KNL1: variants seen among roughly 807,000 people sequenced by gnomAD.
The protein encoded by KNL1 is kinetochore scaffold 1, also known as outer kinetochore KNL1 complex subunit KNL1.
A neutral mutation model predicts 201.3 loss-of-function variants in KNL1; 66 were observed. That is an observed-to-expected ratio of 0.33 (90% CI 0.27 to 0.40). KNL1 has a LOEUF of 0.40. Ranked by LOEUF, KNL1 falls within the 10% of genes least tolerant of loss-of-function variation. KNL1 has a pLI of 1.00. For missense variants in KNL1, 2,815 were observed against 2,690.5 expected (o/e 1.05, Z -1.02); for synonymous variants, 895 against 899.2 (o/e 1.00, Z 0.08).
chr15:40,606,022 G>A (rs1353652493), intron 3 of KNL1, among the ~76,000 whole-genome samples: 1 of 152,220 alleles, frequency 6.6e-6, no homozygotes, highest in Non-Finnish European at 1.5e-5. Flanking sequence ...AAAAGACTCA[G>A]AATTGAATCA....
At chr15:40,628,444 A>G (rs188314890) in intron 11 of KNL1, among the ~76,000 whole-genome samples, 167 bp from the exon 12 acceptor site, 176 of 152,342 alleles carry the variant, frequency 1.2e-3, no homozygotes, top group Admixed American at 5.1e-3. Flanking sequence ...TAGTGGAGAA[A>G]CACTGGAGCC....
At position 40,622,392 on chromosome 15, in the gene KNL1, A is replaced by C; in HGVS notation, c.2128A>C (p.Met710Leu). The change falls in exon 10 of 26, where the codon ATG becomes CTG. Residue 710 changes from methionine to leucine, a missense_variant. Physicochemically the swap from Met to Leu is conservative, Grantham distance 15 (BLOSUM62 2). Coordinates refer to ENST00000399668, the MANE Select transcript of KNL1 (RefSeq NM_144508.5). ...ATTATTTTCATCAGGACAGTTCTCT[A>C]TGAAAAATCATGATACTGCTATAAG... ...KPLFSSGQFSMKNHDTAISSH... is the reference protein window; with the variant it reads ...KPLFSSGQFSLKNHDTAISSH... 6.2e-7 allele frequency: 1 copy of C among 1,613,826 alleles called. No individual in the cohort carries two copies. Among genetic ancestry groups the C allele is most frequent in the Non-Finnish European group, 8.5e-7 (1 of 1,179,808 alleles).
intron 25 of KNL1, among the ~76,000 whole-genome samples, chr15:40,659,892 TTA>T (rs376367195): frequency 6.2e-4 from 75 of 120,182 alleles, no homozygotes; most frequent in Middle Eastern, 9.2e-3. Context: ...TTTGAAGAAT[TTA>T]TGTGTGTGTG....
chr15:40,649,797 A>G (rs1893499325), intron 17 of KNL1, among the ~76,000 whole-genome samples: 1 of 152,046 alleles, frequency 6.6e-6, no homozygotes, highest in African/African-American at 2.4e-5. Context: ...GCTACTACAT[A>G]CTACGTTCTC....
chr15:40,654,792 C>T (rs972940828), intron 21 of KNL1, 117 bp from the exon 22 acceptor site: 8 of 706,508 alleles, frequency 1.1e-5, no homozygotes, highest in South Asian at 6.7e-5. Context: ...TCGCTTGAAC[C>T]TGGGAGGCTG....
rs928231053 is a variant in KNL1 at position 40,594,293 on chromosome 15, C to T, written c.-117C>T. The stretch of plus-strand genomic sequence containing the variant: ...AGGCGAGCCGGGCGTTGTGAGCGGA[C>T]TGCTAGAGGCGGCTGTCTGTTTCCG... On this transcript the variant is annotated 5_prime_UTR_variant, in exon 1 of 26. Coordinates refer to ENST00000399668, the MANE Select transcript of KNL1 (RefSeq NM_144508.5). 1 of 152,278 alleles carries T rather than the reference C, an allele frequency of 6.6e-6. No individual in the cohort carries two copies. 9.4% of individuals were successfully genotyped at this position (152,278 alleles called of 1,614,324 possible).
chr15:40,623,406 G>A lies in KNL1; in HGVS notation c.3142G>A (p.Val1048Ile). 1.9e-6 allele frequency: 3 copies of A among 1,613,936 alleles called. No homozygotes were observed. The highest frequency in any genetic ancestry group is 1.3e-5 in the African/African-American group (1 of 75,016). Reference sequence around the variant, plus strand: ...AGCCACTTGCAAAAACATCAAAGATGTACAAAGTCCTGGATTTCTGAATGA... The same window carrying A: ...AGCCACTTGCAAAAACATCAAAGATATACAAAGTCCTGGATTTCTGAATGA... ...KSATCKNIKD[V>I]QSPGFLNEPL... The change falls in exon 10 of 26, where the codon GTA becomes ATA. Residue 1048 changes from valine to isoleucine, a missense_variant. Val to Ile is a conservative substitution (Grantham distance 29). Around this residue, in one of 3 missense-constraint regions of KNL1, gnomAD observed 2,464 missense variants for 2,291.7 expected, o/e 1.08. Coordinates refer to ENST00000399668, the MANE Select transcript of KNL1 (RefSeq NM_144508.5).
chr15:40,631,171 A>G (rs1355177022), intron 13 of KNL1, among the ~76,000 whole-genome samples: 1 of 152,140 alleles, frequency 6.6e-6, no homozygotes, highest in Non-Finnish European at 1.5e-5. Context: ...GAAGTTCACA[A>G]TAAATGTGCT....
chr15:40,625,501 T>C lies in KNL1; in HGVS notation c.5237T>C (p.Ile1746Thr). The C allele has an allele frequency of 6.2e-7, 1 of 1,612,528 alleles. No homozygotes were observed. The highest frequency in any genetic ancestry group is 1.1e-5 in the South Asian group (1 of 90,786). ...KALIETYQKE[I>T]SPYENKMGKT... Reference sequence around the variant, plus strand: ...TTGATTGAGACATACCAAAAAGAGATTTCACCATATGAAAATAAAATGGGA... The same window carrying C: ...TTGATTGAGACATACCAAAAAGAGACTTCACCATATGAAAATAAAATGGGA... Residue 1746 changes from isoleucine to threonine, a missense_variant, in exon 10 of 26, where the codon ATT (isoleucine) becomes ACT (threonine). Ile to Thr is a moderately conservative substitution (Grantham distance 89). Around this residue, in one of 3 missense-constraint regions of KNL1, gnomAD observed 2,464 missense variants for 2,291.7 expected, o/e 1.08. Transcript: ENST00000399668.
At chr15:40,600,811 G>A (rs1891767924) in intron 1 of KNL1, among the ~76,000 whole-genome samples, 1 of 152,134 alleles carries the variant, frequency 6.6e-6, no homozygotes, top group Admixed American at 6.5e-5. Flanking sequence ...AATATAGGGA[G>A]GCAGGAACTG....
intron 14 of KNL1, chr15:40,643,218 A>G (rs1893283495): frequency 1.3e-5 from 2 of 151,928 alleles, no homozygotes; most frequent in East Asian, 3.9e-4. Context: ...ACAGAGCCTC[A>G]CTCTGTCACC....
chr15:40,659,540 T>G (rs1893842773), intron 25 of KNL1, 79 bp downstream of exon 25: 1 of 1,332,302 alleles, frequency 7.5e-7, no homozygotes, highest in South Asian at 1.4e-5. Context: ...TTGCCCAGGC[T>G]GGAGTGTAGT....
chr15:40,632,210 A>ACCCCCCCC (rs34274284), intron 13 of KNL1, among the ~76,000 whole-genome samples: 11 of 131,708 alleles, frequency 8.4e-5, no homozygotes, highest in African/African-American at 1.2e-4. Context: ...ACATAGCGAG[A>ACCCCCCCC]CCCCCCCCCA....
intron 19 of KNL1, 144 bp from the exon 20 acceptor site, chr15:40,651,327 C>A: frequency 3.0e-6 from 1 of 336,288 alleles, no homozygotes; most frequent in Admixed American, 4.8e-5. Context: ...ACTAAGAATG[C>A]AGAAATGGAT....
intron 11 of KNL1, 127 bp from the exon 12 acceptor site, chr15:40,628,484 C>G (rs539084852): frequency 2.8e-6 from 2 of 713,604 alleles, no homozygotes; most frequent in East Asian, 5.3e-5. Flanking sequence ...TGCCCTGCTA[C>G]ATGACTGTCT....
intron 9 of KNL1, 119 bp from the exon 10 acceptor site, chr15:40,620,521 C>G: frequency 1.7e-6 from 1 of 594,744 alleles, no homozygotes; most frequent in Middle Eastern, 4.6e-4. Flanking sequence ...ACCATTGATT[C>G]AAGCAAACCA....
chr15:40,601,523 T>C (rs2141695425), intron 1 of KNL1, among the ~76,000 whole-genome samples: 1 of 152,244 alleles, frequency 6.6e-6, no homozygotes, highest in South Asian at 2.1e-4. Context: ...ATATTAATTA[T>C]AATAGTGGTT....
rs1440464615 is a variant in KNL1, at chr15:40,663,875, A to T, written c.*1687A>T. Reference sequence around the variant, plus strand: ...GGTTAAAGTCCTGTGGATCCCCTGAATGTTATTGTCCCTCTTGATTGGTTT... The same window carrying T: ...GGTTAAAGTCCTGTGGATCCCCTGATTGTTATTGTCCCTCTTGATTGGTTT... On this transcript the variant is annotated 3_prime_UTR_variant, in exon 26 of 26. Coordinates refer to ENST00000399668, the MANE Select transcript of KNL1 (RefSeq NM_144508.5). The T allele has an allele frequency of 5.2e-6, 1 of 193,550 alleles. No homozygotes were observed. The highest frequency in any genetic ancestry group is 8.2e-5 in the East Asian group (1 of 12,192). 12.0% of individuals were successfully genotyped at this position (193,550 alleles called of 1,614,324 possible).
intron 24 of KNL1, among the ~76,000 whole-genome samples, chr15:40,658,225 C>T (rs900212647): frequency 2.0e-4 from 30 of 151,712 alleles, no homozygotes; most frequent in African/African-American, 6.3e-4. Flanking sequence ...GAGATTTTGC[C>T]ACTGCCCTCC....
Sources: allele counts gnomAD v4.1 joint callset (sites outside exome capture counted in the v4.1 genomes callset), GRCh38; gene constraint gnomAD v4.1.1; regional missense constraint gnomAD v4.1.1; transcripts MANE v1.5; gene names NCBI Gene and HGNC (gene_info 2026-07-23, HGNC 2026-07-21).